Variants in HNRNPC observed in about 807,000 individuals in gnomAD.
HNRNPC encodes the protein heterogeneous nuclear ribonucleoproteins C1/C2.
A neutral mutation model predicts 33.2 loss-of-function variants in HNRNPC; 3 were observed. The observed-to-expected ratio is 0.09, with a 90% CI of 0.04 to 0.23. The LOEUF is 0.23. Among genes scored for constraint, HNRNPC ranks in the 10% least tolerant of loss-of-function variants. The probability of loss-of-function intolerance (pLI) is 1.00; values close to 1 mark genes in which losing one functional copy is unlikely to be tolerated. For synonymous variants in HNRNPC, 121 were observed against 126.7 expected, an observed-to-expected ratio of 0.96 and a Z score of 0.30; for missense variants, 143 against 366.7, an observed-to-expected ratio of 0.39 and a Z score of 4.98.
chr14:21,253,575 T>C (rs951898548), intron 2 of HNRNPC, among the ~76,000 whole-genome samples: 3 of 151,938 alleles, frequency 2.0e-5, no homozygotes, highest in Admixed American at 6.6e-5. Flanking sequence ...ATTGTATCAA[T>C]GTTTCACTCA....
chr14:21,220,437 C>T (rs1892700086), intron 5 of HNRNPC, among the ~76,000 whole-genome samples: 1 of 152,120 alleles, frequency 6.6e-6, no homozygotes, highest in Non-Finnish European at 1.5e-5. Context: ...CCATGTTAGC[C>T]AGGCTGGTCT....
At chr14:21,249,629 G>A (rs1896408098) in intron 2 of HNRNPC, among the ~76,000 whole-genome samples, 1 of 147,354 alleles carries the variant, frequency 6.8e-6, no homozygotes, top group East Asian at 2.0e-4. Context: ...TCAATGAATT[G>A]GGTACCTCTA....
At chr14:21,262,186 G>C (rs1878360293) in intron 2 of HNRNPC, among the ~76,000 whole-genome samples, 1 of 152,090 alleles carries the variant, frequency 6.6e-6, no homozygotes, top group African/African-American at 2.4e-5. Context: ...TTTGACTCTT[G>C]TGAAATATTA....
At chr14:21,220,628 T>C (rs1892723214) in intron 5 of HNRNPC, among the ~76,000 whole-genome samples, 1 of 152,178 alleles carries the variant, frequency 6.6e-6, no homozygotes, top group African/African-American at 2.4e-5. Context: ...AACTGACTTC[T>C]AGGAAATAAT....
In HNRNPC at chr14:21,212,874, T is replaced by C. The variant is rs544954373; in HGVS notation, c.523+86A>G. The C allele has an allele frequency of 6.6e-6, 10 of 1,516,666 alleles. No individual in the cohort carries two copies. The African/African-American group carries it at 9.6e-5, about 15-fold the overall frequency. 94.0% of individuals were successfully genotyped at this position (1,516,666 alleles called of 1,614,324 possible). On this transcript the variant is annotated intron_variant, in intron 6 of 8. Transcript: ENST00000553300. Reference sequence around the variant, plus strand: ...CCATTATTTTGAATACACAAAGTCATGTGGCACAAAAATATTGTAACTGCA... The same window carrying C: ...CCATTATTTTGAATACACAAAGTCACGTGGCACAAAAATATTGTAACTGCA...
chr14:21,265,032 T>G (rs1293810336), intron 1 of HNRNPC: 1 of 152,138 alleles, frequency 6.6e-6, no homozygotes, highest in Non-Finnish European at 1.5e-5. Context: ...AATTTTTAAT[T>G]GAGCTTTTAG....
chr14:21,255,656 C>G (rs962639229), intron 2 of HNRNPC, among the ~76,000 whole-genome samples: 1 of 152,108 alleles, frequency 6.6e-6, no homozygotes, highest in African/African-American at 2.4e-5. Flanking sequence ...GAAAATACTA[C>G]CACATTGATC....
At position 21,260,496 on chromosome 14, in the gene HNRNPC, C is replaced by T. The variant is rs1015605756; in HGVS notation, c.-37+2815G>A. On this transcript the variant is annotated intron_variant, in intron 2 of 8. Coordinates refer to ENST00000553300, the MANE Select transcript of HNRNPC (RefSeq NM_004500.4). ...GACCTCTCAGGGTTAGTTAGGTAAC[C>T]ATTTCTGCATGCTTTCTTTTTTTAA... is the stretch of plus-strand genomic sequence containing the variant. 4.0e-5 allele frequency among the ~76,000 whole-genome samples: 6 copies of T among 150,964 alleles called. No homozygotes were observed. In the South Asian group the frequency reaches 1.3e-3, roughly 32 times the overall value.
Position 21,233,935 on chromosome 14 carries a change from A to G in HNRNPC, c.241+18T>C, listed in dbSNP as rs1382594230. 1.9e-6 allele frequency: 3 copies of G among 1,610,470 alleles called. No homozygotes were observed. Among genetic ancestry groups the G allele is most frequent in the East Asian group, 4.5e-5 (2 of 44,876 alleles). ...AACTCAGGCCTGAATTACATCATCA[A>G]TGAAAAAATTCACTTACCTAAAACC... is the stretch of plus-strand genomic sequence containing the variant. On this transcript the variant is annotated intron_variant, in intron 3 of 8. Coordinates refer to ENST00000553300, the MANE Select transcript of HNRNPC (RefSeq NM_004500.4).
Position 21,213,128 on chromosome 14 carries a change from A to C in HNRNPC, c.366-11T>G. 1.2e-6 allele frequency: 2 copies of C among 1,612,942 alleles called. No homozygotes were observed. The highest frequency in any genetic ancestry group is 1.7e-6 in the Non-Finnish European group (2 of 1,179,138). ...GGGTAACTGTACATCCTATTGGATA[A>C]GAGGAAAATGGAATTCATTCAAACC... On this transcript the variant is annotated splice_polypyrimidine_tract_variant and intron_variant, in intron 5 of 8. Transcript: ENST00000553300.
rs1878664950 is a variant in HNRNPC, at chr14:21,264,494, CTT to C, written c.-62-1160_-62-1159del. 2.0e-5 allele frequency: 3 copies of C among 152,240 alleles called. No individual in the cohort carries two copies. The South Asian group carries it at 6.2e-4, about 32-fold the overall frequency. The allele number at this position is 152,240 out of a possible 1,614,324, so 9.4% of individuals were successfully genotyped here. A position where few individuals can be genotyped will look rare whatever the true frequency, so the allele number is the denominator to read the frequency against. On this transcript the variant is annotated intron_variant, in intron 1 of 8. Transcript: ENST00000553300. ...AAAAATTAAGGTCCTTATGTTAATA[CTT>C]TTGTTTCTGTAGTCCACTATTTACT... is the stretch of plus-strand genomic sequence containing the variant.
chr14:21,245,868 A>C (rs954215764), intron 2 of HNRNPC, among the ~76,000 whole-genome samples: 2 of 151,862 alleles, frequency 1.3e-5, no homozygotes, highest in Non-Finnish European at 2.9e-5. Flanking sequence ...GTTTTTTTTG[A>C]GGAGTCTCCC....
intron 3 of HNRNPC, 58 bp from the exon 4 acceptor site, chr14:21,231,130 C>T (rs1398891039): frequency 1.3e-6 from 2 of 1,510,290 alleles, no homozygotes; most frequent in Non-Finnish European, 1.8e-6. Flanking sequence ...AAACAAACTA[C>T]AAAGTTTATT....
chr14:21,238,594 A>G (rs1334932812), intron 2 of HNRNPC, among the ~76,000 whole-genome samples: 1 of 152,206 alleles, frequency 6.6e-6, no homozygotes, highest in African/African-American at 2.4e-5. Flanking sequence ...TTAAAAGGTT[A>G]ATCACATTAG....
chr14:21,240,535 A>C (rs753915400), intron 2 of HNRNPC, among the ~76,000 whole-genome samples: 1 of 152,224 alleles, frequency 6.6e-6, no homozygotes. Flanking sequence ...AGTGGTCCAC[A>C]AACAGGTTGT....
intron 5 of HNRNPC, among the ~76,000 whole-genome samples, chr14:21,229,335 C>T (rs555461531): frequency 1.4e-5 from 2 of 146,112 alleles, no homozygotes; most frequent in Non-Finnish European, 3.0e-5. Context: ...TGCGCCACTG[C>T]ACTCCAGGAT....
chr14:21,217,108 T>G (rs979045357), intron 5 of HNRNPC, among the ~76,000 whole-genome samples: 3 of 152,184 alleles, frequency 2.0e-5, no homozygotes, highest in African/African-American at 7.2e-5. Context: ...TTTCAGCCGG[T>G]GGGGCTTTTA....
chr14:21,246,087 T>C (rs905608151), intron 2 of HNRNPC, among the ~76,000 whole-genome samples: 5 of 151,930 alleles, frequency 3.3e-5, no homozygotes, highest in African/African-American at 9.7e-5. Context: ...GCCTCCCAAA[T>C]TGCTGGGATT....
chr14:21,237,098 C>T (rs1029629309), intron 2 of HNRNPC, among the ~76,000 whole-genome samples: 4 of 152,154 alleles, frequency 2.6e-5, no homozygotes, highest in African/African-American at 9.7e-5. Flanking sequence ...TGGGTGAGCA[C>T]AAGGGACTTC....
Sources: allele counts gnomAD v4.1 joint callset (sites outside exome capture counted in the v4.1 genomes callset), GRCh38; gene constraint gnomAD v4.1.1; transcripts MANE v1.5; gene names NCBI Gene and HGNC (gene_info 2026-07-23, HGNC 2026-07-21).